CRTC1: variants seen among roughly 807,000 people sequenced by gnomAD.
CRTC1 encodes the protein CREB-regulated transcription coactivator 1.
Under a neutral mutation model 66.1 loss-of-function variants are expected in CRTC1, and 18 were observed. The ratio of observed to expected loss-of-function variants is 0.27; its 90% CI spans 0.19 to 0.40. The LOEUF is 0.40. Ranked by LOEUF, CRTC1 falls within the 10% of genes least tolerant of loss-of-function variation. CRTC1 has a pLI of 1.00. For synonymous variants in CRTC1, 416 were observed against 398.8 expected, an observed-to-expected ratio of 1.04 and a Z score of -0.51; for missense variants, 669 against 887.9, an observed-to-expected ratio of 0.75 and a Z score of 3.13.
intron 1 of CRTC1, among the ~76,000 whole-genome samples, chr19:18,724,734 G>A (rs1036791956): frequency 9.4e-5 from 14 of 148,996 alleles, no homozygotes; most frequent in Admixed American, 1.4e-4. Context: ...GGGTCCTCCC[G>A]GCTAATCTAG....
chr19:18,696,133 G>A (rs916544945), intron 1 of CRTC1, among the ~76,000 whole-genome samples: 2 of 152,198 alleles, frequency 1.3e-5, no homozygotes, highest in Admixed American at 1.3e-4. Context: ...CCCGGAGAGC[G>A]AATGTCATAG....
chr19:18,727,756 A>G lies in CRTC1; in HGVS notation c.127-15154A>G, dbSNP rs549282963. Among the ~76,000 whole-genome samples the G allele has an allele frequency of 5.9e-5, 9 of 151,720 alleles. No individual in the cohort carries two copies. The South Asian group carries it at 6.3e-4, about 11-fold the overall frequency. Reference sequence around the variant, plus strand: ...TTATTTTTTGAGATGGAGTCTCACTATGTTGCCCAGGCTGAAGTGCAGTGG... The same window carrying G: ...TTATTTTTTGAGATGGAGTCTCACTGTGTTGCCCAGGCTGAAGTGCAGTGG... On this transcript the variant is annotated intron_variant, in intron 1 of 13. Coordinates refer to ENST00000321949, the MANE Select transcript of CRTC1 (RefSeq NM_015321.3).
At position 18,768,391 on chromosome 19, in the gene CRTC1, C is replaced by T; in HGVS notation, c.1012-94C>T. 1 of 1,064,992 alleles carries T rather than the reference C, an allele frequency of 9.4e-7. No homozygotes were observed. The highest frequency in any genetic ancestry group is 1.6e-5 in the African/African-American group (1 of 62,324). The allele number at this position is 1,064,992 out of a possible 1,614,324, so 66.0% of individuals were successfully genotyped here. On this transcript the variant is annotated intron_variant, in intron 9 of 13. Coordinates refer to ENST00000321949, the MANE Select transcript of CRTC1 (RefSeq NM_015321.3). The surrounding 1 kb of genome is among the most constrained non-coding windows in gnomAD (Gnocchi z 5.6). ...TGCCTGTGATCACAGGGCCCTTCCA[C>T]CTCGCCTGCTGAGCATGCCAGGCTA...
intron 1 of CRTC1, among the ~76,000 whole-genome samples, chr19:18,730,865 G>A (rs1466099973): frequency 6.6e-6 from 1 of 152,170 alleles, no homozygotes; most frequent in Non-Finnish European, 1.5e-5. Context: ...CCCGAGTCGT[G>A]GCCTTAGTTG....
At position 18,684,341 on chromosome 19, in the gene CRTC1, C is replaced by T. The variant is rs546439147; in HGVS notation, c.126+513C>T. Among the ~76,000 whole-genome samples, 8 of 152,154 alleles carry T rather than the reference C, an allele frequency of 5.3e-5. No homozygotes were observed. In the South Asian group the frequency reaches 8.3e-4, roughly 16 times the overall value. ...GCAAGTGCCCCCGCATCCTTGCTAC[C>T]TGGGAGGGACAGATGCCCTCCCATT... is the stretch of plus-strand genomic sequence containing the variant. On this transcript the variant is annotated intron_variant, in intron 1 of 13. Coordinates refer to ENST00000321949, the MANE Select transcript of CRTC1 (RefSeq NM_015321.3).
intron 6 of CRTC1, among the ~76,000 whole-genome samples, chr19:18,754,697 C>T (rs987899385): frequency 9.2e-5 from 14 of 152,282 alleles, no homozygotes; most frequent in East Asian, 1.9e-4. Context: ...TTCAGTCCCT[C>T]GAGGAGATAA....
intron 1 of CRTC1, among the ~76,000 whole-genome samples, chr19:18,697,991 C>T (rs1254720764): frequency 6.6e-6 from 1 of 152,126 alleles, no homozygotes; most frequent in Non-Finnish European, 1.5e-5. Flanking sequence ...ATGGTATGTA[C>T]TCAGCTGGTG....
At chr19:18,723,671 T>C (rs531521179) in intron 1 of CRTC1, among the ~76,000 whole-genome samples, 3 of 152,170 alleles carry the variant, frequency 2.0e-5, no homozygotes, top group Admixed American at 6.5e-5. Context: ...CAAGGGGGCA[T>C]CTGGTTGGTA....
intron 1 of CRTC1, among the ~76,000 whole-genome samples, chr19:18,701,012 G>C (rs2053123707): frequency 6.6e-6 from 1 of 152,208 alleles, no homozygotes; most frequent in Non-Finnish European, 1.5e-5. Flanking sequence ...GACAGGAGTG[G>C]CTCATTATAT....
intron 1 of CRTC1, among the ~76,000 whole-genome samples, chr19:18,728,590 C>T (rs1354090541): frequency 7.2e-5 from 11 of 152,070 alleles, no homozygotes; most frequent in Non-Finnish European, 1.2e-4. Context: ...TCAGTAACCT[C>T]TGCCTCCTGG....
At chr19:18,772,559 C>T (rs1344036749) in intron 11 of CRTC1, among the ~76,000 whole-genome samples, 2 of 152,202 alleles carry the variant, frequency 1.3e-5, no homozygotes, top group South Asian at 2.1e-4. Flanking sequence ...AGTCGCTCCT[C>T]CAGGGCTGAG....
chr19:18,701,108 C>T (rs536367030), intron 1 of CRTC1, among the ~76,000 whole-genome samples: 17 of 152,350 alleles, frequency 1.1e-4, no homozygotes, highest in South Asian at 1.0e-3. Context: ...GGCCTCTGTT[C>T]GGCAAGGAGC....
chr19:18,683,849 G>T, intron 1 of CRTC1, 21 bp downstream of exon 1: 1 of 1,208,432 alleles, frequency 8.3e-7, no homozygotes, highest in Admixed American at 2.9e-5. Context: ...TGCCCGCGCC[G>T]ACCCTTCAGG....
intron 1 of CRTC1, among the ~76,000 whole-genome samples, chr19:18,715,232 C>CT (rs1041469981): frequency 6.6e-6 from 1 of 152,066 alleles, no homozygotes; most frequent in Non-Finnish European, 1.5e-5. Flanking sequence ...CTTCTCCTCT[C>CT]TTTTTTTTCA....
chr19:18,761,743 C>G (rs563529630), intron 8 of CRTC1, among the ~76,000 whole-genome samples: 1 of 152,206 alleles, frequency 6.6e-6, no homozygotes, highest in East Asian at 1.9e-4. Flanking sequence ...AGCCTGGAGG[C>G]GTTCCTGGCT....
At chr19:18,700,790 TC>T in intron 1 of CRTC1, among the ~76,000 whole-genome samples, 1 of 152,184 alleles carries the variant, frequency 6.6e-6, no homozygotes, top group Non-Finnish European at 1.5e-5. Flanking sequence ...ACGCGAGCTG[TC>T]CACCTTTCTG....
intron 1 of CRTC1, among the ~76,000 whole-genome samples, chr19:18,701,458 G>A (rs901012221): frequency 8.5e-5 from 13 of 152,380 alleles, no homozygotes; most frequent in Admixed American, 8.5e-4. Flanking sequence ...TGCTACTTGG[G>A]GCAACAGTGA....
chr19:18,726,929 GAAAAAA>G (rs57708407), intron 1 of CRTC1, among the ~76,000 whole-genome samples: 2 of 111,908 alleles, frequency 1.8e-5, no homozygotes, highest in African/African-American at 3.6e-5. Flanking sequence ...CCGTCTTGGG[GAAAAAA>G]AAAAAAAAAA....
At chr19:18,727,148 G>C (rs1005754687) in intron 1 of CRTC1, among the ~76,000 whole-genome samples, 6 of 152,050 alleles carry the variant, frequency 3.9e-5, no homozygotes, top group Non-Finnish European at 8.8e-5. Flanking sequence ...TACTCAGGAG[G>C]CTGCAGCAGG....
Sources: allele counts gnomAD v4.1 joint callset (sites outside exome capture counted in the v4.1 genomes callset), GRCh38; gene constraint gnomAD v4.1.1; non-coding constraint Gnocchi (gnomAD v3.1); transcripts MANE v1.5; gene names NCBI Gene and HGNC (gene_info 2026-07-23, HGNC 2026-07-21).